The following NKAIN3 variants were observed in gnomAD, a reference collection of about 807,000 sequenced individuals.
The protein encoded by NKAIN3 is sodium/potassium transporting ATPase interacting 3.
In NKAIN3, 25 loss-of-function variants were observed where a neutral mutation model predicts 30.2. That is an observed-to-expected ratio of 0.83 (90% CI 0.60 to 1.16). The LOEUF is 1.16. NKAIN3 is among the 50% of genes most tolerant of loss of function. The probability of loss-of-function intolerance (pLI) is 0.00; values close to 1 mark genes in which losing one functional copy is unlikely to be tolerated. For synonymous variants in NKAIN3, 91 were observed against 89.6 expected, an observed-to-expected ratio of 1.02 and a Z score of -0.09; for missense variants, 225 against 254.1, an observed-to-expected ratio of 0.89 and a Z score of 0.78.
chr8:62,845,868 A>C (rs28549153), intron 4 of NKAIN3, among the ~76,000 whole-genome samples: 16,779 of 152,184 alleles, frequency 0.11, 982 homozygotes, highest in African/African-American at 0.15. Context: ...GCAGATTCAA[A>C]GTAATTTTAC....
intron 5 of NKAIN3, among the ~76,000 whole-genome samples, chr8:62,947,154 G>C (rs369035751): frequency 6.6e-6 from 1 of 152,204 alleles, no homozygotes; most frequent in East Asian, 1.9e-4. Context: ...TTACAAAGGG[G>C]TTCCTCAAGT....
At chr8:62,530,996 T>C (rs1808470928) in intron 1 of NKAIN3, among the ~76,000 whole-genome samples, 1 of 152,130 alleles carries the variant, frequency 6.6e-6, no homozygotes. Flanking sequence ...GAGTAGTCTG[T>C]TCACATTAAA....
chr8:62,758,682 T>A (rs1201056897), intron 4 of NKAIN3, among the ~76,000 whole-genome samples: 1 of 152,122 alleles, frequency 6.6e-6, no homozygotes, highest in Non-Finnish European at 1.5e-5. Context: ...TGAGTTCAGA[T>A]GTGGACACAT....
chr8:62,773,976 T>G lies in NKAIN3; in HGVS notation c.471+26847T>G, dbSNP rs374633378. Among the ~76,000 whole-genome samples, 25 of 152,338 alleles carry G rather than the reference T, an allele frequency of 1.6e-4. No individual in the cohort carries two copies. In the South Asian group the frequency reaches 3.3e-3, roughly 20 times the overall value. On this transcript the variant is annotated intron_variant, in intron 4 of 6. Transcript: ENST00000623646. ...ATTGGTATTTTGACAGATATTGTAT[T>G]GAATCTGTAGACTGTTTTTGGTAAT...
At chr8:62,363,101 T>C (rs1816617703) in intron 1 of NKAIN3, among the ~76,000 whole-genome samples, 1 of 152,200 alleles carries the variant, frequency 6.6e-6, no homozygotes, top group African/African-American at 2.4e-5. Flanking sequence ...AAGTTTGCTG[T>C]AACAGTATGA....
At chr8:62,690,973 T>C (rs1813948256) in intron 3 of NKAIN3, among the ~76,000 whole-genome samples, 1 of 152,160 alleles carries the variant, frequency 6.6e-6, no homozygotes, top group Admixed American at 6.5e-5. Flanking sequence ...GAATAAATTA[T>C]GAAAACAACG....
chr8:62,714,979 C>T (rs965904162), intron 3 of NKAIN3, among the ~76,000 whole-genome samples: 1 of 152,188 alleles, frequency 6.6e-6, no homozygotes, highest in East Asian at 1.9e-4. Flanking sequence ...GTTGAATTAG[C>T]TCACAGTTCT....
chr8:62,390,872 C>G (rs1224304916), intron 1 of NKAIN3, among the ~76,000 whole-genome samples: 1 of 152,116 alleles, frequency 6.6e-6, no homozygotes. Context: ...TCCATTTACC[C>G]ACTTTTCAAT....
At chr8:62,668,542 C>T (rs1276904335) in intron 3 of NKAIN3, among the ~76,000 whole-genome samples, 4 of 152,180 alleles carry the variant, frequency 2.6e-5, no homozygotes, top group African/African-American at 9.7e-5. Context: ...ATGTTGTCTT[C>T]CTAAATGATA....
intron 1 of NKAIN3, among the ~76,000 whole-genome samples, chr8:62,452,548 G>C (rs922203667): frequency 2.0e-5 from 3 of 152,124 alleles, no homozygotes; most frequent in Admixed American, 6.5e-5. Context: ...GGTGGCTTGA[G>C]CAAAAGTCAT....
chr8:62,360,411 A>G (rs1006498181), intron 1 of NKAIN3, among the ~76,000 whole-genome samples: 1 of 152,224 alleles, frequency 6.6e-6, no homozygotes, highest in African/African-American at 2.4e-5. Flanking sequence ...GATAAATCTC[A>G]TGGTGATTCT....
intron 1 of NKAIN3, among the ~76,000 whole-genome samples, chr8:62,507,322 C>T (rs145289279): frequency 2.8e-4 from 43 of 152,230 alleles, no homozygotes; most frequent in South Asian, 8.3e-4. Context: ...CTTAGAACAA[C>T]GTAATCAGTA....
Position 62,975,913 on chromosome 8 carries a change from T to C in NKAIN3, c.*10506T>C, listed in dbSNP as rs544901464. Among the ~76,000 whole-genome samples the C allele has an allele frequency of 3.9e-5, 6 of 152,214 alleles. 1 individual carries two copies. The South Asian group carries it at 1.2e-3, about 32-fold the overall frequency. On this transcript the variant is annotated 3_prime_UTR_variant, in exon 7 of 7. Coordinates refer to ENST00000623646, the MANE Select transcript of NKAIN3 (RefSeq NM_001304533.3). Reference sequence around the variant, plus strand: ...GTTCTTGTTGGTTTCAAAGAACTTATTTATTTCTGCTGTGATCTCATTATT... The same window carrying C: ...GTTCTTGTTGGTTTCAAAGAACTTACTTATTTCTGCTGTGATCTCATTATT...
At chr8:62,639,837 GA>G (rs1223979919) in intron 3 of NKAIN3, among the ~76,000 whole-genome samples, 1 of 152,014 alleles carries the variant, frequency 6.6e-6, no homozygotes, top group African/African-American at 2.4e-5. Flanking sequence ...AATAAGGAAT[GA>G]GGGGGGCCAT....
At chr8:62,552,025 G>A (rs1809231089) in intron 1 of NKAIN3, among the ~76,000 whole-genome samples, 1 of 152,068 alleles carries the variant, frequency 6.6e-6, no homozygotes, top group African/African-American at 2.4e-5. Context: ...CCTTGATCCA[G>A]GACATAATTC....
intron 3 of NKAIN3, among the ~76,000 whole-genome samples, chr8:62,713,970 G>A (rs1814809972): frequency 6.6e-6 from 1 of 152,062 alleles, no homozygotes; most frequent in South Asian, 2.1e-4. Flanking sequence ...AATTTATCCA[G>A]ATAGTATAAT....
chr8:62,616,815 T>C (rs1235715496), intron 3 of NKAIN3, among the ~76,000 whole-genome samples: 1 of 152,056 alleles, frequency 6.6e-6, no homozygotes, highest in Non-Finnish European at 1.5e-5. Flanking sequence ...TCCTCAAAGG[T>C]CACCTCATTA....
Position 62,615,075 on chromosome 8 carries a change from G to A in NKAIN3, c.273+25281G>A, listed in dbSNP as rs763343346. Among the ~76,000 whole-genome samples, 10 of 152,098 alleles carry A rather than the reference G, an allele frequency of 6.6e-5. No individual in the cohort carries two copies. In the South Asian group the frequency reaches 1.0e-3, roughly 16 times the overall value. ...GCTTTTCTCAAGCAGAAGGAGTTTC[G>A]CCCCATAGCCACCACAGCTGGTAGT... On this transcript the variant is annotated intron_variant, in intron 3 of 6. Coordinates refer to ENST00000623646, the MANE Select transcript of NKAIN3 (RefSeq NM_001304533.3).
intron 1 of NKAIN3, among the ~76,000 whole-genome samples, chr8:62,442,407 A>G (rs1805355444): frequency 1.3e-5 from 2 of 152,012 alleles, no homozygotes; most frequent in Admixed American, 6.5e-5. Context: ...GTTTATTATT[A>G]TAGCATTAAT....
Sources: gnomAD v4.1 joint callset for allele counts (sites outside exome capture counted in the v4.1 genomes callset) on GRCh38, gnomAD v4.1.1 for gene constraint, MANE v1.5 for transcripts, NCBI Gene and HGNC (gene_info 2026-07-23, HGNC 2026-07-21) for gene names.